PCDH17: variants seen among roughly 807,000 people sequenced by gnomAD.
The protein encoded by PCDH17 is protocadherin 17.
Under a neutral mutation model 67.7 loss-of-function variants are expected in PCDH17, and 21 were observed. The observed-to-expected ratio is 0.31, with a 90% CI of 0.22 to 0.45. The LOEUF (loss-of-function observed/expected upper bound fraction) is 0.45, where lower values mean the gene tolerates loss of function less well. PCDH17 is among the 20% of genes least tolerant of loss of function. PCDH17 has a pLI of 1.00. For missense variants in PCDH17, 1,471 were observed against 1,564.8 expected, an observed-to-expected ratio of 0.94 and a Z score of 1.01; for synonymous variants, 701 against 656.7, an observed-to-expected ratio of 1.07 and a Z score of -1.03.
At chr13:57,692,139 T>C (rs547950481) in intron 3 of PCDH17, among the ~76,000 whole-genome samples, 6 of 151,350 alleles carry the variant, frequency 4.0e-5, no homozygotes, top group African/African-American at 1.4e-4. Context: ...TATTTTCTGG[T>C]ATCCAAACAG....
At chr13:57,630,547 C>A (rs950599820), upstream of PCDH17, among the ~76,000 whole-genome samples, 71 of 151,912 alleles carry the variant, frequency 4.7e-4, no homozygotes, top group African/African-American at 1.7e-3. Flanking sequence ...TCTCGCCTAA[C>A]CAAGAGGAAA....
chr13:57,727,161 C>CT lies in PCDH17; in HGVS notation c.*1870dup, dbSNP rs896051694. 1 of 152,528 alleles carries CT rather than the reference C, an allele frequency of 6.6e-6. No individual in the cohort carries two copies. The highest frequency in any genetic ancestry group is 1.5e-5 in the Non-Finnish European group (1 of 67,988). 9.4% of individuals were successfully genotyped at this position (152,528 alleles called of 1,614,324 possible). A position where few individuals can be genotyped will look rare whatever the true frequency, so the allele number is the denominator to read the frequency against. ...GGGAAAATGCCTTGATTGACATTTT[C>CT]TTTCAGCATTTAAAATTTTTGGCAT... is the stretch of plus-strand genomic sequence containing the variant. On this transcript the variant is annotated 3_prime_UTR_variant, in exon 4 of 4. Transcript: ENST00000377918.
intron 3 of PCDH17, among the ~76,000 whole-genome samples, chr13:57,720,033 A>G (rs1021953677): frequency 6.6e-6 from 1 of 152,056 alleles, no homozygotes; most frequent in African/African-American, 2.4e-5. Flanking sequence ...TTAAAACCCA[A>G]CAATTTAAAA....
At chr13:57,710,513 C>T (rs978780406) in intron 3 of PCDH17, among the ~76,000 whole-genome samples, 1 of 151,826 alleles carries the variant, frequency 6.6e-6, no homozygotes, top group African/African-American at 2.4e-5. Flanking sequence ...TTGGAAAACA[C>T]ATTAACATTT....
rs1370940456 is a variant in PCDH17, at chr13:57,726,890, C to T, written c.*1596C>T. On this transcript the variant is annotated 3_prime_UTR_variant, in exon 4 of 4. Coordinates refer to ENST00000377918, the MANE Select transcript of PCDH17 (RefSeq NM_001040429.3). Reference sequence around the variant, plus strand: ...TGCATGTATGTACCAGCAGTGGTTACTTGCATTGTGTAGTGTTTTTCAAGA... The same window carrying T: ...TGCATGTATGTACCAGCAGTGGTTATTTGCATTGTGTAGTGTTTTTCAAGA... The T allele has an allele frequency of 6.6e-6, 1 of 152,518 alleles. No individual in the cohort carries two copies. The highest frequency in any genetic ancestry group is 6.6e-5 in the Admixed American group (1 of 15,256). The allele number at this position is 152,518 out of a possible 1,614,324, so 9.4% of individuals were successfully genotyped here. A position where few individuals can be genotyped will look rare whatever the true frequency, so the allele number is the denominator to read the frequency against.
chr13:57,664,689 T>C (rs938275222), intron 1 of PCDH17, among the ~76,000 whole-genome samples: 2 of 152,208 alleles, frequency 1.3e-5, no homozygotes, highest in African/African-American at 4.8e-5. Flanking sequence ...TGAAGTGTTC[T>C]AAAACACTTA....
At chr13:57,722,799 G>T (rs1008651678) in intron 3 of PCDH17, among the ~76,000 whole-genome samples, 2 of 151,800 alleles carry the variant, frequency 1.3e-5, no homozygotes, top group Non-Finnish European at 2.9e-5. Flanking sequence ...TTGTAGAGGG[G>T]TGTCTTGCTA....
chr13:57,688,204 G>A (rs976764137), intron 3 of PCDH17, among the ~76,000 whole-genome samples: 1 of 151,880 alleles, frequency 6.6e-6, no homozygotes, highest in Admixed American at 6.6e-5. Flanking sequence ...CTACTCAGGA[G>A]GCTGAGATGG....
In PCDH17 at chr13:57,639,128, G is replaced by A. The variant is rs569568730; in HGVS notation, c.2565+4017G>A. On this transcript the variant is annotated intron_variant, in intron 1 of 3. Transcript: ENST00000377918. ...CTGGTATCTTGAGTAGGAAAGGAAT[G>A]TCCCTTTCTTACTCTGTGCCTTCTG... is the stretch of plus-strand genomic sequence containing the variant. Among the ~76,000 whole-genome samples the A allele has an allele frequency of 2.0e-3, 298 of 151,988 alleles. 1 individual carries two copies. The highest frequency in any genetic ancestry group is 0.017 in the Middle Eastern group (5 of 294).
At chr13:57,694,400 A>G (rs1343891637) in intron 3 of PCDH17, among the ~76,000 whole-genome samples, 2 of 151,224 alleles carry the variant, frequency 1.3e-5, no homozygotes, top group South Asian at 2.1e-4. Flanking sequence ...AAAGATTTTG[A>G]TGAGAATGAA....
rs541352708 is a variant in PCDH17, at chr13:57,698,246, T to TAC, written c.2798-26354_2798-26353dup. On this transcript the variant is annotated intron_variant, in intron 3 of 3. Coordinates refer to ENST00000377918, the MANE Select transcript of PCDH17 (RefSeq NM_001040429.3). ...ATATAAAGATATATACATATAGATA[T>TAC]ACACACACACACATAGAGTTTGTCT... Among the ~76,000 whole-genome samples the TAC allele has an allele frequency of 5.1e-4, 77 of 151,378 alleles. 1 individual carries two copies. Among genetic ancestry groups the TAC allele is most frequent in the Admixed American group, 4.6e-3 (69 of 15,124 alleles).
At chr13:57,635,180 G>T in intron 1 of PCDH17, 69 bp downstream of exon 1, 1 of 1,521,368 alleles carries the variant, frequency 6.6e-7, no homozygotes, top group African/African-American at 1.4e-5. Flanking sequence ...GAAACCTTTG[G>T]AACAGGGCAA....
At chr13:57,711,953 GT>G (rs1955780738) in intron 3 of PCDH17, among the ~76,000 whole-genome samples, 1 of 151,258 alleles carries the variant, frequency 6.6e-6, no homozygotes, top group Non-Finnish European at 1.5e-5. Context: ...GCAAAATTAT[GT>G]GCAGATATAT....
rs1342992907 is a variant in PCDH17 at position 57,634,422 on chromosome 13, G to A, written c.1876G>A (p.Glu626Lys). The A allele has an allele frequency of 6.2e-7, 1 of 1,612,726 alleles. No individual in the cohort carries two copies. Among genetic ancestry groups the A allele is most frequent in the Non-Finnish European group, 8.5e-7 (1 of 1,179,960 alleles). ...DFGESGRLTYEIVDGNDDHLF... is the reference protein window; with the variant it reads ...DFGESGRLTYKIVDGNDDHLF... Reference sequence around the variant, plus strand: ...CGGCGAGAGCGGGCGTCTCACCTACGAGATCGTGGACGGCAACGACGACCA... The same window carrying A: ...CGGCGAGAGCGGGCGTCTCACCTACAAGATCGTGGACGGCAACGACGACCA... The change falls in exon 1 of 4, where the codon GAG (glutamate) becomes AAG (lysine). Residue 626 changes from glutamate (E) to lysine (K), a missense_variant. Around this residue, in one of 3 missense-constraint regions of PCDH17, gnomAD observed 1,163 missense variants for 1,230.0 expected, o/e 0.95. Coordinates refer to ENST00000377918, the MANE Select transcript of PCDH17 (RefSeq NM_001040429.3). This position sits in a 1 kb window ranked among gnomAD's most constrained non-coding sequence, Gnocchi z 7.8.
At chr13:57,712,232 A>G (rs910599137) in intron 3 of PCDH17, among the ~76,000 whole-genome samples, 3 of 151,768 alleles carry the variant, frequency 2.0e-5, no homozygotes, top group African/African-American at 7.2e-5. Flanking sequence ...AGCTCAAGTC[A>G]AAAACTCATC....
intron 3 of PCDH17, among the ~76,000 whole-genome samples, chr13:57,722,422 G>A (rs2138103681): frequency 6.6e-6 from 1 of 152,178 alleles, no homozygotes; most frequent in Middle Eastern, 3.4e-3. Context: ...GAAATAGATT[G>A]TAAAGTTTTC....
At position 57,727,943 on chromosome 13, in the gene PCDH17, TTA is replaced by T. The variant is rs1955926740; in HGVS notation, c.*2653_*2654del. On this transcript the variant is annotated 3_prime_UTR_variant, in exon 4 of 4. Transcript: ENST00000377918. ...GCTAAGTAACCAGTTGTTCAATTTA[TTA>T]TATGTGTCTGAGGACATTAAAACAC... 1 of 152,582 alleles carries T rather than the reference TTA, an allele frequency of 6.6e-6. No individual in the cohort carries two copies. The highest frequency in any genetic ancestry group is 6.5e-5 in the Admixed American group (1 of 15,268). 9.5% of individuals were successfully genotyped at this position (152,582 alleles called of 1,614,324 possible).
At chr13:57,646,555 A>T (rs1215826407) in intron 1 of PCDH17, among the ~76,000 whole-genome samples, 1 of 151,748 alleles carries the variant, frequency 6.6e-6, no homozygotes, top group African/African-American at 2.4e-5. Flanking sequence ...ACAGAATAAA[A>T]GTTTTAGGCA....
chr13:57,651,657 G>T (rs959230158), intron 1 of PCDH17, among the ~76,000 whole-genome samples: 1 of 151,892 alleles, frequency 6.6e-6, no homozygotes, highest in African/African-American at 2.4e-5. Flanking sequence ...GAAAATTCCT[G>T]ACTTAAAAAT....
Sources: allele counts gnomAD v4.1 joint callset (sites outside exome capture counted in the v4.1 genomes callset), GRCh38; gene constraint gnomAD v4.1.1; regional missense constraint gnomAD v4.1.1; non-coding constraint Gnocchi (gnomAD v3.1); transcripts MANE v1.5; gene names NCBI Gene and HGNC (gene_info 2026-07-23, HGNC 2026-07-21).